SYT9: variants seen among roughly 807,000 people sequenced by gnomAD.
The protein encoded by SYT9 is synaptotagmin 9, also known as synaptotagmin-9.
SYT9 carries 22 observed loss-of-function variants against 48.4 expected under a neutral mutation model. The observed-to-expected ratio is 0.45, with a 90% CI of 0.32 to 0.65. The LOEUF is 0.65. Among genes scored for constraint, SYT9 ranks in the 30% least tolerant of loss-of-function variants. The pLI, the probability that SYT9 is intolerant of heterozygous loss-of-function variation, is 0.03. For missense variants in SYT9, 577 were observed against 622.0 expected (o/e 0.93, Z 0.77); for synonymous variants, 265 against 245.0 (o/e 1.08, Z -0.76).
intron 3 of SYT9, among the ~76,000 whole-genome samples, chr11:7,380,773 A>G (rs1328015039): frequency 2.0e-5 from 3 of 152,210 alleles, no homozygotes; most frequent in Admixed American, 6.5e-5. Flanking sequence ...TGGTAGCCAT[A>G]TCGCATTTTG....
intron 1 of SYT9, among the ~76,000 whole-genome samples, chr11:7,284,988 T>C (rs942980202): frequency 5.3e-5 from 8 of 152,170 alleles, no homozygotes; most frequent in African/African-American, 1.9e-4. Context: ...TTTCACCCAC[T>C]CTATCACCTA....
chr11:7,331,056 C>T (rs1235963770), intron 3 of SYT9, among the ~76,000 whole-genome samples: 1 of 151,722 alleles, frequency 6.6e-6, no homozygotes, highest in African/African-American at 2.4e-5. Context: ...CCTCAGCCTC[C>T]CAAAGTACTG....
intron 6 of SYT9, among the ~76,000 whole-genome samples, chr11:7,443,207 C>G (rs1433744231): frequency 6.6e-6 from 1 of 152,118 alleles, no homozygotes; most frequent in Non-Finnish European, 1.5e-5. Context: ...TATTTTAAAC[C>G]GAATATTTCT....
At chr11:7,248,041 C>T (rs539273954), upstream of SYT9, among the ~76,000 whole-genome samples, 46 of 152,176 alleles carry the variant, frequency 3.0e-4, no homozygotes, top group Non-Finnish European at 5.9e-4. Flanking sequence ...AAGGTGGTAT[C>T]GCATTGTGCT....
At chr11:7,352,215 G>A (rs890040482) in intron 3 of SYT9, among the ~76,000 whole-genome samples, 2 of 152,170 alleles carry the variant, frequency 1.3e-5, no homozygotes, top group African/African-American at 4.8e-5. Flanking sequence ...AAGAAAGTAG[G>A]CGTTTTCCTT....
intron 6 of SYT9, among the ~76,000 whole-genome samples, chr11:7,432,572 AAAAAAAAAAAATATATATACATAT>A (rs1847610498): frequency 8.7e-4 from 11 of 12,670 alleles, no homozygotes; most frequent in Non-Finnish European, 7.8e-4. Flanking sequence ...AAAAAAAAAA[AAAAAAAAAAAATATATATACATAT>A]ATATATATAT....
chr11:7,395,045 G>C (rs1846723651), intron 3 of SYT9, among the ~76,000 whole-genome samples: 1 of 151,834 alleles, frequency 6.6e-6, no homozygotes, highest in Non-Finnish European at 1.5e-5. Flanking sequence ...AGGTTTTGGG[G>C]GAACAGGTGG....
intron 6 of SYT9, among the ~76,000 whole-genome samples, chr11:7,425,035 C>T (rs1847427363): frequency 6.6e-6 from 1 of 152,214 alleles, no homozygotes; most frequent in Non-Finnish European, 1.5e-5. Flanking sequence ...GTTACCCAGA[C>T]TTGTAGTTAC....
Position 7,360,570 on chromosome 11 carries a change from CCCTTGTAAGGTGGATT to C in SYT9, c.1044+46633_1044+46648del, listed in dbSNP as rs953611141. Among the ~76,000 whole-genome samples the C allele has an allele frequency of 6.6e-4, 100 of 152,230 alleles. 1 individual carries two copies. The highest frequency in any genetic ancestry group is 2.4e-3 in the African/African-American group (98 of 41,536). ...TTCTCCTTGAAGAGGTCCTTCACGT[CCCTTGTAAGGTGGATT>C]CCTAGGTATTTTATTCTCTTTGAAG... On this transcript the variant is annotated intron_variant, in intron 3 of 6. Transcript: ENST00000318881.
At chr11:7,463,593 T>G (rs1447371740) in intron 6 of SYT9, among the ~76,000 whole-genome samples, 2 of 152,174 alleles carry the variant, frequency 1.3e-5, no homozygotes, top group Non-Finnish European at 2.9e-5. Flanking sequence ...AAGTTTGTTT[T>G]CAAGAGGCTT....
intron 3 of SYT9, among the ~76,000 whole-genome samples, chr11:7,331,426 C>T (rs1849528981): frequency 3.3e-5 from 5 of 151,876 alleles, no homozygotes; most frequent in Admixed American, 2.6e-4. Context: ...TAAGAAATCA[C>T]ACACACATTC....
chr11:7,269,276 A>G (rs1848252361), intron 1 of SYT9, among the ~76,000 whole-genome samples: 1 of 152,054 alleles, frequency 6.6e-6, no homozygotes, highest in Admixed American at 6.6e-5. Context: ...ACTATTTGGG[A>G]AAAAACATTA....
intron 3 of SYT9, among the ~76,000 whole-genome samples, chr11:7,346,168 C>T (rs1482314180): frequency 6.6e-6 from 1 of 152,154 alleles, no homozygotes; most frequent in Non-Finnish European, 1.5e-5. Context: ...ATGACAGGAA[C>T]AGGAGGCAGC....
At chr11:7,466,356 G>T (rs11041405) in intron 6 of SYT9, among the ~76,000 whole-genome samples, 1 of 152,112 alleles carries the variant, frequency 6.6e-6, no homozygotes, top group Non-Finnish European at 1.5e-5. Flanking sequence ...AAAGCAGGGG[G>T]AGTGTCCTAC....
chr11:7,454,728 T>TC (rs1363212757), intron 6 of SYT9, among the ~76,000 whole-genome samples: 3 of 152,074 alleles, frequency 2.0e-5, no homozygotes, highest in Non-Finnish European at 1.5e-5. Flanking sequence ...CCCTGATACC[T>TC]CCCCAAAGAG....
intron 3 of SYT9, among the ~76,000 whole-genome samples, chr11:7,376,010 G>C (rs958547392): frequency 5.3e-5 from 8 of 151,966 alleles, no homozygotes; most frequent in Admixed American, 2.6e-4. Flanking sequence ...GCTGGGTGCT[G>C]TCTCCCTTTT....
At chr11:7,270,832 GACACACAC>G (rs56891844) in intron 1 of SYT9, among the ~76,000 whole-genome samples, 6,444 of 147,252 alleles carry the variant, frequency 0.044, 155 homozygotes, top group Middle Eastern at 0.069. Flanking sequence ...ACAAGACACA[GACACACAC>G]ACACACACAC....
At chr11:7,352,179 A>T (rs1849929618) in intron 3 of SYT9, among the ~76,000 whole-genome samples, 1 of 152,206 alleles carries the variant, frequency 6.6e-6, no homozygotes, top group African/African-American at 2.4e-5. Flanking sequence ...TCTGCCTCAG[A>T]CTGACTTCTG....
chr11:7,388,116 A>G (rs963965279), intron 3 of SYT9, among the ~76,000 whole-genome samples: 1 of 152,210 alleles, frequency 6.6e-6, no homozygotes, highest in African/African-American at 2.4e-5. Flanking sequence ...TTCACCAGTG[A>G]ACCCAACTGC....
Sources: gnomAD v4.1 joint callset for allele counts (sites outside exome capture counted in the v4.1 genomes callset) on GRCh38, gnomAD v4.1.1 for gene constraint, MANE v1.5 for transcripts, NCBI Gene and HGNC (gene_info 2026-07-23, HGNC 2026-07-21) for gene names.